The following NIN variants were observed in gnomAD, a reference collection of about 807,000 sequenced individuals.
NIN encodes the protein ninein.
In NIN, 137 loss-of-function variants were observed where a neutral mutation model predicts 257.6. That is an observed-to-expected ratio of 0.53 (90% confidence interval 0.46 to 0.61). The LOEUF is 0.61. NIN is among the 20% of genes least tolerant of loss of function. The pLI, the probability that NIN is intolerant of heterozygous loss-of-function variation, is 0.00. For synonymous variants in NIN, 918 were observed against 919.8 expected, an observed-to-expected ratio of 1.00 and a Z score of 0.04; for missense variants, 2,439 against 2,501.2, an observed-to-expected ratio of 0.98 and a Z score of 0.53.
In NIN at chr14:50,757,396, C is replaced by T; in HGVS notation, c.3634G>A (p.Ala1212Thr). The T allele has an allele frequency of 6.2e-7, 1 of 1,614,202 alleles. No individual in the cohort carries two copies. The highest frequency in any genetic ancestry group is 1.1e-5 in the South Asian group (1 of 91,078). The change falls in exon 18 of 31, where the codon GCG becomes ACG. Residue 1212 changes from alanine to threonine, a missense_variant. Around this residue, in one of 3 missense-constraint regions of NIN, gnomAD observed 2,043 missense variants for 2,050.2 expected, o/e 1.00. Transcript: ENST00000530997. ...QLQEQLMMLC[A>T]DCDRASEKKQ... ...TTTTCAGAAGCTCGATCACAGTCCG[C>T]ACATAACATCATTAGCTGTTCCTGA...
chr14:50,733,456 A>C (rs983114022), intron 28 of NIN, among the ~76,000 whole-genome samples: 2 of 152,266 alleles, frequency 1.3e-5, no homozygotes, highest in Non-Finnish European at 1.5e-5. Context: ...TGTTCTTTTC[A>C]GTGTTCAAAT....
chr14:50,778,641 T>G (rs1049589881), intron 6 of NIN, 124 bp downstream of exon 6: 2 of 794,396 alleles, frequency 2.5e-6, no homozygotes, highest in Non-Finnish European at 4.4e-6. Context: ...AATAAATTTT[T>G]TGTTGCTGTT....
intron 3 of NIN, among the ~76,000 whole-genome samples, chr14:50,809,842 A>T (rs1342251112): frequency 1.3e-5 from 2 of 152,298 alleles, no homozygotes; most frequent in East Asian, 3.9e-4. Flanking sequence ...CTTCATTTAT[A>T]TGGAGTTTAT....
chr14:50,734,615 AAG>A, intron 28 of NIN, among the ~76,000 whole-genome samples: 1 of 152,180 alleles, frequency 6.6e-6, no homozygotes, highest in Non-Finnish European at 1.5e-5. Flanking sequence ...GGTATTCAGA[AAG>A]CAATCTAGAA....
intron 23 of NIN, 142 bp downstream of exon 23, chr14:50,744,101 C>G (rs1055711284): frequency 1.2e-6 from 1 of 818,096 alleles, no homozygotes; most frequent in East Asian, 2.5e-5. Flanking sequence ...TCTGGGGTCA[C>G]AGAATGCCAA....
In NIN at chr14:50,719,958, T is replaced by TCTGTTC; in HGVS notation, c.*3504_*3505insGAACAG. 4.6e-6 allele frequency: 1 copy of TCTGTTC among 215,260 alleles called. No homozygotes were observed. Among genetic ancestry groups the TCTGTTC allele is most frequent in the East Asian group, 7.0e-5 (1 of 14,376 alleles). 13.3% of individuals were successfully genotyped at this position (215,260 alleles called of 1,614,324 possible). ...CTGAACAGAAACATAGAGATGGCTTTAGATAATCTGTTTTTCCTTCACAAA... is the reference window on the plus strand; with the variant it reads ...CTGAACAGAAACATAGAGATGGCTTTCTGTTCAGATAATCTGTTTTTCCTTCACAAA... On this transcript the variant is annotated 3_prime_UTR_variant, in exon 31 of 31. Transcript: ENST00000530997.
rs2040270132 is a variant in NIN at position 50,721,515 on chromosome 14, T to A, written c.*1948A>T. 1 of 217,286 alleles carries A rather than the reference T, an allele frequency of 4.6e-6. No individual in the cohort carries two copies. The highest frequency in any genetic ancestry group is 2.3e-5 in the African/African-American group (1 of 44,410). 13.5% of individuals were successfully genotyped at this position (217,286 alleles called of 1,614,324 possible). ...ACATAAATACACTACAGGTACTTAGTTTATTTTTGTCCTTAGCCTAGGCCA... is the reference window on the plus strand; with the variant it reads ...ACATAAATACACTACAGGTACTTAGATTATTTTTGTCCTTAGCCTAGGCCA... On this transcript the variant is annotated 3_prime_UTR_variant, in exon 31 of 31. Coordinates refer to ENST00000530997, the MANE Select transcript of NIN (RefSeq NM_020921.4).
chr14:50,758,376 G>T lies in NIN; in HGVS notation c.2654C>A (p.Thr885Lys). The T allele has an allele frequency of 6.2e-7, 1 of 1,614,234 alleles. No homozygotes were observed. Among genetic ancestry groups the T allele is most frequent in the Non-Finnish European group, 8.5e-7 (1 of 1,180,024 alleles). Residue 885 changes from threonine to lysine, a missense_variant, in exon 18 of 31, where the codon ACA becomes AAA. Coordinates refer to ENST00000530997, the MANE Select transcript of NIN (RefSeq NM_020921.4). ...LLKETLKREKTTSLVLTQERE... is the reference protein window; with the variant it reads ...LLKETLKREKKTSLVLTQERE... ...CTCCTGGGTCAGGACCAGAGAAGTT[G>T]TTTTCTCTCTCTTAAGAGTCTCTTT...
intron 18 of NIN, among the ~76,000 whole-genome samples, chr14:50,755,287 A>T (rs1321907020): frequency 1.3e-5 from 2 of 152,162 alleles, no homozygotes; most frequent in Admixed American, 1.3e-4. Context: ...TAGGGAAAGA[A>T]AATTCTCTAT....
rs751645770 is a variant in NIN at position 50,739,465 on chromosome 14, G to A, written c.5471C>T (p.Thr1824Ile). 60 of 1,614,084 alleles carry A rather than the reference G, an allele frequency of 3.7e-5. No homozygotes were observed. Among genetic ancestry groups the A allele is most frequent in the Non-Finnish European group, 4.7e-5 (56 of 1,180,024 alleles). ...GGKSWAPEIA[T>I]HPSGLHNQQK... ...CTGGTTATGGAGCCCTGATGGATGA[G>A]TAGCTATCTCTGGGGCCCAGCTCTT... Residue 1824 changes from threonine (T) to isoleucine (I), a missense_variant, in exon 26 of 31, where the codon ACT becomes ATT. Physicochemically the swap from Thr to Ile is moderately conservative, Grantham distance 89 (BLOSUM62 -1). This residue lies in a region of NIN where 2,043 missense variants were observed against 2,050.2 expected (regional missense o/e 1.00). Transcript: ENST00000530997.
At chr14:50,810,753 T>C (rs893741362) in intron 3 of NIN, among the ~76,000 whole-genome samples, 9 of 151,704 alleles carry the variant, frequency 5.9e-5, no homozygotes, top group Non-Finnish European at 1.0e-4. Flanking sequence ...CTCCGCCTCC[T>C]GGGTTCACGC....
At chr14:50,778,126 T>TA (rs2042991457) in intron 6 of NIN, among the ~76,000 whole-genome samples, 1 of 152,362 alleles carries the variant, frequency 6.6e-6, no homozygotes, top group African/African-American at 2.4e-5. Context: ...GCTTCTTAAA[T>TA]ACATTTGAAA....
chr14:50,756,662 C>T lies in NIN; in HGVS notation c.4368G>A (p.Leu1456=). 2 of 1,552,592 alleles carry T rather than the reference C, an allele frequency of 1.3e-6. No individual in the cohort carries two copies. The highest frequency in any genetic ancestry group is 2.4e-5 in the South Asian group (2 of 84,284). The stretch of plus-strand genomic sequence containing the variant: ...TCAGCTCCTGTAACTTTGTTTTCTC[C>T]AGTTCTAACTCTGCTATGGTGGCCT... The part of the protein sequence containing the change: ...QHQATIAELE[L]EKTKLQELTR... Residue 1456 remains leucine, a synonymous_variant, in exon 18 of 31, where the codon CTG becomes CTA. Transcript: ENST00000530997.
rs1566771033 is a variant in NIN at position 50,725,940 on chromosome 14, CG to C, written c.6192+12del. ...TGTGAGGTGGGTGAACAGAGATGAC[CG>C]GGTAGGCTCACTTGTTCTTTGAGCT... is the stretch of plus-strand genomic sequence containing the variant. On this transcript the variant is annotated intron_variant, in intron 30 of 30. Transcript: ENST00000530997. 6.2e-7 allele frequency: 1 copy of C among 1,613,846 alleles called. No individual in the cohort carries two copies. Among genetic ancestry groups the C allele is most frequent in the Non-Finnish European group, 8.5e-7 (1 of 1,179,866 alleles).
At position 50,760,437 on chromosome 14, in the gene NIN, C is replaced by CTTTTTT. The variant is rs35995624; in HGVS notation, c.1897-84_1897-79dup. 8.5e-5 allele frequency: 36 copies of CTTTTTT among 425,594 alleles called. No individual in the cohort carries two copies. In the African/African-American group the frequency reaches 1.0e-3, roughly 12 times the overall value. The allele number at this position is 425,594 out of a possible 1,614,324, so 26.4% of individuals were successfully genotyped here. A position where few individuals can be genotyped will look rare whatever the true frequency, so the allele number is the denominator to read the frequency against. Reference sequence around the variant, plus strand: ...AAGTGAAGTGATGGAGCAGCAATTGCTTTTTTTTTTTTTTTTTTTTTCCCT... The same window carrying CTTTTTT: ...AAGTGAAGTGATGGAGCAGCAATTGCTTTTTTTTTTTTTTTTTTTTTTTTTTTCCCT... On this transcript the variant is annotated intron_variant, in intron 16 of 30. Coordinates refer to ENST00000530997, the MANE Select transcript of NIN (RefSeq NM_020921.4).
intron 13 of NIN, 114 bp from the exon 14 acceptor site, chr14:50,766,510 T>G (rs2042494464): frequency 4.3e-6 from 4 of 929,838 alleles, no homozygotes; most frequent in Non-Finnish European, 6.9e-6. Flanking sequence ...GATAGGAATG[T>G]GACATGTAAG....
At chr14:50,811,693 A>G (rs990436201) in intron 3 of NIN, among the ~76,000 whole-genome samples, 12 of 151,420 alleles carry the variant, frequency 7.9e-5, no homozygotes, top group African/African-American at 2.9e-4. Context: ...TGAGCTCAGG[A>G]GTTTGAGACC....
intron 22 of NIN, among the ~76,000 whole-genome samples, chr14:50,745,695 A>G (rs1240808618): frequency 6.6e-6 from 1 of 152,168 alleles, no homozygotes; most frequent in Non-Finnish European, 1.5e-5. Context: ...AGGACCTTCT[A>G]CTTTATCCAC....
rs540572495 is a variant in NIN, at chr14:50,822,130, C to T, written c.-21-53G>A. The T allele has an allele frequency of 8.9e-4, 1,189 of 1,331,664 alleles. 5 individuals carry two copies. The highest frequency in any genetic ancestry group is 6.7e-3 in the Middle Eastern group (36 of 5,370). 82.5% of individuals were successfully genotyped at this position (1,331,664 alleles called of 1,614,324 possible). ...GTTGTGGCAGCCTCTCCAGTCCTAC[C>T]GTGGTCACCACCTGGCACATTCCCG... is the stretch of plus-strand genomic sequence containing the variant. On this transcript the variant is annotated intron_variant, in intron 2 of 30. Coordinates refer to ENST00000530997, the MANE Select transcript of NIN (RefSeq NM_020921.4).
Sources: gnomAD v4.1 joint callset for allele counts (sites outside exome capture counted in the v4.1 genomes callset) on GRCh38, gnomAD v4.1.1 for gene constraint, gnomAD v4.1.1 regional missense constraint, MANE v1.5 for transcripts, NCBI Gene and HGNC (gene_info 2026-07-23, HGNC 2026-07-21) for gene names.